The following VAT1L variants were observed in gnomAD, a reference collection of about 807,000 sequenced individuals.
The protein encoded by VAT1L is vesicle amine transport 1 like.
Under a neutral mutation model 44.1 loss-of-function variants are expected in VAT1L, and 34 were observed. The ratio of observed to expected loss-of-function variants is 0.77; its 90% CI spans 0.59 to 1.03. VAT1L has a LOEUF of 1.03. VAT1L is among the 50% of genes least tolerant of loss of function. The pLI is 0.00. For missense variants in VAT1L, 615 were observed against 538.8 expected (o/e 1.14, Z -1.40); for synonymous variants, 253 against 202.2 (o/e 1.25, Z -2.13).
chr16:77,873,667 G>T (rs2017056558), intron 4 of VAT1L, among the ~76,000 whole-genome samples: 1 of 152,178 alleles, frequency 6.6e-6, no homozygotes, highest in African/African-American at 2.4e-5. Flanking sequence ...GTACTAAAAA[G>T]TATCTCCAGT....
intron 6 of VAT1L, among the ~76,000 whole-genome samples, chr16:77,880,043 T>C (rs1363951497): frequency 2.0e-5 from 3 of 152,172 alleles, no homozygotes; most frequent in African/African-American, 7.2e-5. Context: ...GCTTTCAATA[T>C]GGTGGTTAGT....
At chr16:77,954,899 G>A (rs1292137163) in intron 7 of VAT1L, among the ~76,000 whole-genome samples, 1 of 152,162 alleles carries the variant, frequency 6.6e-6, no homozygotes, top group Non-Finnish European at 1.5e-5. Context: ...CAACATATGC[G>A]ATTTTTTACT....
chr16:77,838,809 T>C (rs920631964), intron 3 of VAT1L, among the ~76,000 whole-genome samples: 2 of 151,870 alleles, frequency 1.3e-5, no homozygotes, highest in African/African-American at 4.8e-5. Flanking sequence ...ATTTCTTTCC[T>C]TCTTCTTTTC....
rs1009653352 is a variant in VAT1L, at chr16:77,864,136, A to G, written c.722+1246A>G. 2.0e-5 allele frequency among the ~76,000 whole-genome samples: 3 copies of G among 152,122 alleles called. No homozygotes were observed. The East Asian group carries it at 5.8e-4, about 29-fold the overall frequency. ...GGTTTTAGATGATTTTGTGTGTCTC[A>G]CTCTGGCTATTGCTCTGGGCCCCAG... On this transcript the variant is annotated intron_variant, in intron 4 of 8. Coordinates refer to ENST00000302536, the MANE Select transcript of VAT1L (RefSeq NM_020927.3).
chr16:77,903,731 TTAC>T (rs2017408784), intron 7 of VAT1L, among the ~76,000 whole-genome samples: 3 of 148,622 alleles, frequency 2.0e-5, no homozygotes, highest in African/African-American at 7.5e-5. Context: ...GTTTCTCTCA[TTAC>T]TTTTTTTTTT....
At chr16:77,892,238 G>T (rs955567846) in intron 7 of VAT1L, among the ~76,000 whole-genome samples, 10 of 152,188 alleles carry the variant, frequency 6.6e-5, no homozygotes, top group Non-Finnish European at 1.3e-4. Flanking sequence ...AACAGATACT[G>T]CACCCCAAAC....
chr16:77,818,932 A>G (rs1445330786), intron 2 of VAT1L, among the ~76,000 whole-genome samples: 5 of 152,220 alleles, frequency 3.3e-5, no homozygotes, highest in Non-Finnish European at 2.9e-5. Context: ...ATCGCAAAGG[A>G]TGATGAAAAG....
At chr16:77,867,795 G>A (rs575879166) in intron 4 of VAT1L, among the ~76,000 whole-genome samples, 1 of 151,296 alleles carries the variant, frequency 6.6e-6, no homozygotes, top group South Asian at 2.1e-4. Flanking sequence ...GGAGGTGGAG[G>A]TTGCAGTGAG....
At chr16:77,856,918 G>A (rs978826369) in intron 3 of VAT1L, among the ~76,000 whole-genome samples, 1 of 152,184 alleles carries the variant, frequency 6.6e-6, no homozygotes, top group Non-Finnish European at 1.5e-5. Context: ...GGTAACCTTG[G>A]GAACTTTCCT....
rs115213350 is a variant in VAT1L at position 77,859,688 on chromosome 16, C to T, written c.580-3060C>T. On this transcript the variant is annotated intron_variant, in intron 3 of 8. Coordinates refer to ENST00000302536, the MANE Select transcript of VAT1L (RefSeq NM_020927.3). ...TGTGATGATCCAGACTAAGAAGAGA[C>T]AGTTATAAGAGCTGTCGAGGACAAA... Among the ~76,000 whole-genome samples the T allele has an allele frequency of 9.2e-3, 1,405 of 152,216 alleles. 20 individuals carry two copies. The highest frequency in any genetic ancestry group is 0.032 in the African/African-American group (1,335 of 41,512).
intron 7 of VAT1L, among the ~76,000 whole-genome samples, chr16:77,913,247 T>A (rs1193966243): frequency 6.6e-6 from 1 of 152,258 alleles, no homozygotes; most frequent in Non-Finnish European, 1.5e-5. Flanking sequence ...TTTAAGTGTA[T>A]AGCACACTGT....
chr16:77,920,547 T>A (rs564019230), intron 7 of VAT1L, among the ~76,000 whole-genome samples: 2 of 152,338 alleles, frequency 1.3e-5, no homozygotes, highest in Non-Finnish European at 2.9e-5. Flanking sequence ...CATATGTCAA[T>A]ATATGTATAT....
intron 7 of VAT1L, among the ~76,000 whole-genome samples, chr16:77,971,636 C>T (rs111366): frequency 0.88 from 133,181 of 152,122 alleles, 58,475 homozygotes; most frequent in East Asian, 0.96. Context: ...CCTCACTTTT[C>T]CGACCCAGAA....
chr16:77,968,775 T>C (rs773968912), intron 7 of VAT1L, among the ~76,000 whole-genome samples: 26 of 151,866 alleles, frequency 1.7e-4, no homozygotes, highest in Admixed American at 3.9e-4. Context: ...GCTACGAGGG[T>C]TTGTGATAAA....
At chr16:77,860,291 A>T (rs1403428543) in intron 3 of VAT1L, among the ~76,000 whole-genome samples, 1 of 152,172 alleles carries the variant, frequency 6.6e-6, no homozygotes, top group East Asian at 1.9e-4. Flanking sequence ...TCATTCAGAG[A>T]TGGCCACGAG....
At chr16:77,900,600 C>T (rs568184308) in intron 7 of VAT1L, among the ~76,000 whole-genome samples, 6 of 151,154 alleles carry the variant, frequency 4.0e-5, no homozygotes, top group East Asian at 1.9e-4. Flanking sequence ...GAGGCTGAGG[C>T]GCGAGAATCA....
intron 7 of VAT1L, among the ~76,000 whole-genome samples, chr16:77,950,406 C>CTCT (rs2018027663): frequency 2.0e-5 from 1 of 49,360 alleles, no homozygotes; most frequent in Non-Finnish European, 4.0e-5. Context: ...AAGATTCCAT[C>CTCT]TAAACACACA....
intron 7 of VAT1L, among the ~76,000 whole-genome samples, chr16:77,918,642 C>T (rs995693557): frequency 2.0e-5 from 3 of 152,262 alleles, no homozygotes; most frequent in Non-Finnish European, 4.4e-5. Context: ...TGGAAAAATA[C>T]CATCTTCCAA....
chr16:77,946,177 C>T (rs1289616014), intron 7 of VAT1L, among the ~76,000 whole-genome samples: 3 of 151,542 alleles, frequency 2.0e-5, no homozygotes, highest in Admixed American at 6.6e-5. Context: ...CTTGTACACT[C>T]ATAAGCATTT....
Sources: allele counts gnomAD v4.1 joint callset (sites outside exome capture counted in the v4.1 genomes callset), GRCh38; gene constraint gnomAD v4.1.1; transcripts MANE v1.5; gene names NCBI Gene and HGNC (gene_info 2026-07-23, HGNC 2026-07-21).